Variants in OPA1 observed in about 807,000 individuals in gnomAD.
OPA1 encodes OPA1 mitochondrial dynamin like GTPase.
In OPA1, 59 loss-of-function variants were observed where a neutral mutation model predicts 152.9. That is an observed-to-expected ratio of 0.39 (90% confidence interval 0.31 to 0.48). The LOEUF is 0.48. Ranked by LOEUF, OPA1 falls within the 20% of genes least tolerant of loss-of-function variation. OPA1 has a pLI of 0.96. For missense variants in OPA1, 1,008 were observed against 1,216.8 expected (o/e 0.83, Z 2.55); for synonymous variants, 400 against 389.9 (o/e 1.03, Z -0.31).
intron 29 of OPA1, among the ~76,000 whole-genome samples, chr3:193,688,447 T>G (rs1721229825): frequency 3.7e-5 from 2 of 53,994 alleles, no homozygotes; most frequent in South Asian, 5.6e-4. Context: ...AATGGGTCTT[T>G]TCTTTTTTTT....
intron 29 of OPA1, among the ~76,000 whole-genome samples, chr3:193,678,505 A>G (rs1004752623): frequency 1.3e-5 from 2 of 152,194 alleles, no homozygotes; most frequent in African/African-American, 4.8e-5. Flanking sequence ...AAGAGGTCTC[A>G]GGTTGGCTTC....
At chr3:193,652,155 C>T (rs904355783) in intron 21 of OPA1, among the ~76,000 whole-genome samples, 2 of 151,994 alleles carry the variant, frequency 1.3e-5, no homozygotes, top group African/African-American at 2.4e-5. Context: ...CCCCTATGGT[C>T]GGATCACTTA....
In OPA1 at chr3:193,631,664, A is replaced by G. The variant is rs1560353918; in HGVS notation, c.842A>G (p.Gln281Arg). Residue 281 changes from glutamine (Q) to arginine (R), a missense_variant and splice_region_variant, in exon 8 of 31, where the codon CAG becomes CGG. Around this residue, in one of 7 missense-constraint regions of OPA1, gnomAD observed 408 missense variants for 395.1 expected, o/e 1.03. Transcript: ENST00000361510. Reference protein sequence around the residue: ...DQLQEELLHTQLKYQRILERL... With the variant: ...DQLQEELLHTRLKYQRILERL... ...CTTCAGGAAGAACTTCTGCACACTCAGGTAATCATGATGACTAAGAAAAAC... is the reference window on the plus strand; with the variant it reads ...CTTCAGGAAGAACTTCTGCACACTCGGGTAATCATGATGACTAAGAAAAAC... 1.2e-6 allele frequency: 2 copies of G among 1,610,108 alleles called. No individual in the cohort carries two copies. Among genetic ancestry groups the G allele is most frequent in the South Asian group, 2.2e-5 (2 of 90,780 alleles).
At chr3:193,595,053 A>G (rs1725288705) in intron 1 of OPA1, among the ~76,000 whole-genome samples, 3 of 152,244 alleles carry the variant, frequency 2.0e-5, no homozygotes, top group African/African-American at 7.2e-5. Flanking sequence ...GGGCTAAATT[A>G]TTTCTAAAGT....
At chr3:193,605,042 T>C (rs1489868158) in intron 1 of OPA1, among the ~76,000 whole-genome samples, 2 of 152,064 alleles carry the variant, frequency 1.3e-5, no homozygotes, top group Admixed American at 1.3e-4. Context: ...GAGGAAACTG[T>C]AGTGTCATTA....
rs1409838390 is a variant in OPA1, at chr3:193,615,000, A to G, written c.310A>G (p.Ile104Val). Residue 104 changes from isoleucine to valine, a missense_variant, in exon 2 of 31, where the codon ATA becomes GTA. Ile to Val is a conservative substitution (Grantham distance 29). Transcript: ENST00000361510. ...GAGACTCTTAAAACTTCGCTATCTC[A>G]TACTAGGATCGGCTGTTGGGGGTGG... ...ATRLLKLRYL[I>V]LGSAVGGGYT... is the part of the protein sequence containing the mutation. 6.2e-7 allele frequency: 1 copy of G among 1,611,786 alleles called. No homozygotes were observed. Among genetic ancestry groups the G allele is most frequent in the Non-Finnish European group, 8.5e-7 (1 of 1,177,920 alleles).
chr3:193,648,936 A>C (rs754757590), intron 21 of OPA1, 65 bp downstream of exon 21: 3 of 1,095,302 alleles, frequency 2.7e-6, no homozygotes, highest in Non-Finnish European at 4.2e-6. Flanking sequence ...TGAAATGCTA[A>C]AACTTAGATT....
At chr3:193,693,916 T>G (rs4687447) in intron 30 of OPA1, among the ~76,000 whole-genome samples, 6 of 152,060 alleles carry the variant, frequency 3.9e-5, no homozygotes, top group Non-Finnish European at 8.8e-5. Flanking sequence ...TTCTATTTAC[T>G]GACCTGTGTG....
At chr3:193,687,564 C>A (rs1314959375) in intron 29 of OPA1, among the ~76,000 whole-genome samples, 1 of 152,138 alleles carries the variant, frequency 6.6e-6, no homozygotes, top group Non-Finnish European at 1.5e-5. Context: ...TGAGAGAAAG[C>A]AATTTCTAAT....
At chr3:193,686,374 A>C (rs2109425743) in intron 29 of OPA1, among the ~76,000 whole-genome samples, 1 of 152,194 alleles carries the variant, frequency 6.6e-6, no homozygotes, top group South Asian at 2.1e-4. Flanking sequence ...TGTAACATGC[A>C]GGAGTGTTCT....
At chr3:193,617,377 T>C (rs1729205675) in intron 4 of OPA1, 92 bp downstream of exon 4, 1 of 759,778 alleles carries the variant, frequency 1.3e-6, no homozygotes, top group Admixed American at 2.6e-5. Context: ...TTTTTTAAAA[T>C]TAAAATATTT....
At chr3:193,605,713 G>A (rs1281973539) in intron 1 of OPA1, among the ~76,000 whole-genome samples, 1 of 152,160 alleles carries the variant, frequency 6.6e-6, no homozygotes, top group African/African-American at 2.4e-5. Flanking sequence ...TGCCCTTTTA[G>A]CTTTGAAAGT....
intron 1 of OPA1, among the ~76,000 whole-genome samples, chr3:193,612,028 T>A (rs1357133794): frequency 1.3e-5 from 2 of 152,172 alleles, no homozygotes; most frequent in Non-Finnish European, 2.9e-5. Flanking sequence ...TGCCATCCAT[T>A]TCTGAGCTTC....
intron 21 of OPA1, among the ~76,000 whole-genome samples, chr3:193,649,805 A>C (rs1182475889): frequency 6.6e-6 from 1 of 152,198 alleles, no homozygotes; most frequent in East Asian, 1.9e-4. Flanking sequence ...CCAAAAAAAG[A>C]GATCTAATTG....
intron 9 of OPA1, among the ~76,000 whole-genome samples, chr3:193,636,381 T>G (rs1238290495): frequency 6.7e-6 from 1 of 148,372 alleles, no homozygotes; most frequent in Non-Finnish European, 1.5e-5. Context: ...GCAATTAACA[T>G]TTTTTGTTTA....
intron 29 of OPA1, among the ~76,000 whole-genome samples, chr3:193,685,771 CA>C (rs904622092): frequency 6.6e-6 from 1 of 150,696 alleles, no homozygotes; most frequent in Middle Eastern, 3.2e-3. Flanking sequence ...AAGGAATAAA[CA>C]AAAAAAATTT....
At chr3:193,663,243 C>T (rs1036839382) in intron 26 of OPA1, among the ~76,000 whole-genome samples, 3 of 151,950 alleles carry the variant, frequency 2.0e-5, no homozygotes, top group Admixed American at 6.6e-5. Context: ...GGGATGAAAC[C>T]GACCTAGACC....
chr3:193,641,227 G>A (rs879590268), intron 11 of OPA1, among the ~76,000 whole-genome samples: 3 of 152,142 alleles, frequency 2.0e-5, no homozygotes, highest in Non-Finnish European at 4.4e-5. Flanking sequence ...GCAGGGTGTG[G>A]ACAGGTTTCC....
At chr3:193,691,530 CTTTTAA>C (rs1721685356) in intron 29 of OPA1, 1 of 152,162 alleles carries the variant, frequency 6.6e-6, no homozygotes, top group Non-Finnish European at 1.5e-5. Context: ...CTTCCTTTGT[CTTTTAA>C]TTTTATGACA....
Sources: gnomAD v4.1 joint callset for allele counts (sites outside exome capture counted in the v4.1 genomes callset) on GRCh38, gnomAD v4.1.1 for gene constraint, gnomAD v4.1.1 regional missense constraint, MANE v1.5 for transcripts, NCBI Gene and HGNC (gene_info 2026-07-23, HGNC 2026-07-21) for gene names.